The following CHD8 variants were observed in gnomAD, a reference collection of about 807,000 sequenced individuals.
CHD8 encodes the protein chromodomain helicase DNA binding protein 8, also known as ATP-dependent chromatin remodeler CHD8.
In CHD8, 31 loss-of-function variants were observed where a neutral mutation model predicts 279.2. That is an observed-to-expected ratio of 0.11 (90% CI 0.08 to 0.15). The LOEUF (loss-of-function observed/expected upper bound fraction) is 0.15. Among genes scored for constraint, CHD8 ranks in the 10% least tolerant of loss-of-function variants. The pLI is 1.00. For synonymous variants in CHD8, 1,081 were observed against 1,139.6 expected (o/e 0.95, Z 1.04); for missense variants, 2,146 against 3,230.5 (o/e 0.66, Z 8.14).
At chr14:21,442,401 G>A (rs1889999301) in intron 1 of CHD8, among the ~76,000 whole-genome samples, 1 of 151,978 alleles carries the variant, frequency 6.6e-6, no homozygotes, top group South Asian at 2.1e-4. Flanking sequence ...GGAAGTTGAG[G>A]TTGCAGTGAG....
intron 1 of CHD8, among the ~76,000 whole-genome samples, chr14:21,438,374 T>TA (rs1005290761): frequency 6.6e-6 from 1 of 151,588 alleles, no homozygotes; most frequent in Non-Finnish European, 1.5e-5. Flanking sequence ...ACACTGTTAT[T>TA]AAAAAGAGCA....
In CHD8 at chr14:21,403,816, C is replaced by T. The variant is rs189868425; in HGVS notation, c.3308-153G>A. Among the ~76,000 whole-genome samples, 29 of 152,218 alleles carry T rather than the reference C, an allele frequency of 1.9e-4. No individual in the cohort carries two copies. In the East Asian group the frequency reaches 2.9e-3, roughly 15 times the overall value. On this transcript the variant is annotated intron_variant, in intron 16 of 37. Transcript: ENST00000646647. This position sits in a 1 kb window ranked among gnomAD's most constrained non-coding sequence, Gnocchi z 4.3. ...ATTTCAGCACAAAAAAGTCTTAAAT[C>T]GGCTGGGTACGGTGGCTCATGCCTG...
chr14:21,394,927 C>T lies in CHD8; in HGVS notation c.5375G>A (p.Arg1792Gln), dbSNP rs771416978. 9.9e-6 allele frequency: 16 copies of T among 1,613,762 alleles called. No homozygotes were observed. Among genetic ancestry groups the T allele is most frequent in the Admixed American group, 5.0e-5 (3 of 59,994 alleles). Residue 1792 changes from arginine (R) to glutamine (Q), a missense_variant, in exon 30 of 38, where the codon CGG (arginine) becomes CAG (glutamine). By Grantham distance (43) the Arg-to-Gln change is conservative. Transcript: ENST00000646647. ...AAFKLKEIAR[R>Q]EKQQRWTRRE... ...TATATTTTACCGTTGTTGTTTCTCC[C>T]GCCGTGCAATTTCTTTCAGCTTGAA...
intron 1 of CHD8, among the ~76,000 whole-genome samples, chr14:21,451,338 G>A (rs933703699): frequency 1.3e-5 from 2 of 152,076 alleles, no homozygotes; most frequent in African/African-American, 4.8e-5. Context: ...GGGAGGCAGA[G>A]GCAGGAGGAT....
intron 20 of CHD8, 63 bp downstream of exon 20, chr14:21,401,894 T>A: frequency 6.9e-7 from 1 of 1,453,326 alleles, no homozygotes; most frequent in Non-Finnish European, 9.4e-7. Flanking sequence ...CATAAAAACA[T>A]AATTAAATCC....
chr14:21,428,959 C>A lies in CHD8; in HGVS notation c.1215+5G>T. 6.2e-7 allele frequency: 1 copy of A among 1,613,952 alleles called. No individual in the cohort carries two copies. On this transcript the variant is annotated splice_donor_5th_base_variant and intron_variant, in intron 3 of 37. Coordinates refer to ENST00000646647, the MANE Select transcript of CHD8 (RefSeq NM_001170629.2). ...TTTCTTTTCCTTACTATGTAAGTCT[C>A]TCACCTGTGGCTGCAGTACCACCTT...
intron 1 of CHD8, chr14:21,437,018 CG>C (rs1889811025): frequency 2.1e-6 from 2 of 937,078 alleles, no homozygotes; most frequent in African/African-American, 2.5e-5. Flanking sequence ...AAGGAGCTAG[CG>C]GGGGTGCCCT....
At chr14:21,425,295 A>G (rs1486352033) in intron 5 of CHD8, 2 of 151,344 alleles carry the variant, frequency 1.3e-5, no homozygotes, top group Non-Finnish European at 2.9e-5. Context: ...TATTTGAAAC[A>G]CTGGAATTTG....
intron 2 of CHD8, chr14:21,429,552 T>A (rs1380397002): frequency 2.9e-6 from 2 of 677,968 alleles, no homozygotes; most frequent in Non-Finnish European, 5.4e-6. Flanking sequence ...GTGCAGTGGC[T>A]ATTCACAGGC....
chr14:21,409,801 T>G, intron 11 of CHD8, 50 bp downstream of exon 11: 2 of 1,521,914 alleles, frequency 1.3e-6, no homozygotes, highest in Non-Finnish European at 1.8e-6. Context: ...GGGGAAAAAA[T>G]TTAATCATTT....
rs566806394 is a variant in CHD8, at chr14:21,402,170, C to T, written c.3883-34G>A. 17 of 1,532,768 alleles carry T rather than the reference C, an allele frequency of 1.1e-5. No homozygotes were observed. The highest frequency in any genetic ancestry group is 1.5e-5 in the Non-Finnish European group (17 of 1,129,524). The allele number at this position is 1,532,768 out of a possible 1,614,324, so 94.9% of individuals were successfully genotyped here. On this transcript the variant is annotated intron_variant, in intron 19 of 37. Coordinates refer to ENST00000646647, the MANE Select transcript of CHD8 (RefSeq NM_001170629.2). This position sits in a 1 kb window ranked among gnomAD's most constrained non-coding sequence, Gnocchi z 4.5. ...ACCAATAGAAAGATGAAAAGACTAT[C>T]AAGAGAATAATATCTAACCATGCCA...
At chr14:21,455,846 C>A (rs181477997) in intron 1 of CHD8, among the ~76,000 whole-genome samples, 186 bp downstream of exon 1, 35 of 152,246 alleles carry the variant, frequency 2.3e-4, no homozygotes, top group Admixed American at 2.2e-3. Context: ...CCCTCTCCCC[C>A]GGCCTCTCAC....
Position 21,431,350 on chromosome 14 carries a change from C to G in CHD8, c.294G>C (p.Gln98His). Reference protein sequence around the residue: ...ESITLHDYTTQPASQEQPAQP... With the variant: ...ESITLHDYTTHPASQEQPAQP... ...GGGCTGGCTGCTCCTGGCTGGCAGG[C>G]TGAGTGGTATAATCATGCAAGGTTA... Residue 98 changes from glutamine (Q) to histidine (H), a missense_variant, in exon 2 of 38, where the codon CAG becomes CAC. Physicochemically the swap from Gln to His is conservative, Grantham distance 24 (BLOSUM62 0). Around this residue, in one of 26 missense-constraint regions of CHD8, gnomAD observed 302 missense variants for 325.5 expected, o/e 0.93. Coordinates refer to ENST00000646647, the MANE Select transcript of CHD8 (RefSeq NM_001170629.2). 6.5e-7 allele frequency: 1 copy of G among 1,538,170 alleles called. No individual in the cohort carries two copies. The highest frequency in any genetic ancestry group is 8.7e-7 in the Non-Finnish European group (1 of 1,147,444).
chr14:21,411,779 G>C (rs1297744593), intron 10 of CHD8, among the ~76,000 whole-genome samples: 1 of 152,144 alleles, frequency 6.6e-6, no homozygotes, highest in East Asian at 1.9e-4. Context: ...AATGAAAAAG[G>C]TGCCAGGCGT....
chr14:21,436,245 A>G (rs1889776518), intron 1 of CHD8, among the ~76,000 whole-genome samples: 2 of 152,352 alleles, frequency 1.3e-5, no homozygotes, highest in East Asian at 1.9e-4. Context: ...TTTCAAGAAG[A>G]TCAGTTGCAG....
chr14:21,398,525 C>T (rs1215763054), intron 26 of CHD8: 1 of 152,336 alleles, frequency 6.6e-6, no homozygotes, highest in Non-Finnish European at 1.5e-5. Context: ...AGCCACCATG[C>T]CCAGCACCTG....
chr14:21,422,452 G>C (rs1889086665), intron 5 of CHD8, among the ~76,000 whole-genome samples: 1 of 152,104 alleles, frequency 6.6e-6, no homozygotes, highest in Non-Finnish European at 1.5e-5. Context: ...TAATCTCTGT[G>C]TATTTTGTAT....
At position 21,437,352 on chromosome 14, in the gene CHD8, C is replaced by T. The variant is rs1022095815; in HGVS notation, c.-215-5494G>A. 1.1e-5 allele frequency: 10 copies of T among 880,838 alleles called. No individual in the cohort carries two copies. In the Middle Eastern group the frequency reaches 1.6e-3, roughly 138 times the overall value. 54.6% of individuals were successfully genotyped at this position (880,838 alleles called of 1,614,324 possible). On this transcript the variant is annotated intron_variant, in intron 1 of 37. Coordinates refer to ENST00000646647, the MANE Select transcript of CHD8 (RefSeq NM_001170629.2). Reference sequence around the variant, plus strand: ...CCAAAGGCGAAAAGACGCAAAACAGCGCAAAGGGTGGGACTATAAGGAGCT... The same window carrying T: ...CCAAAGGCGAAAAGACGCAAAACAGTGCAAAGGGTGGGACTATAAGGAGCT...
In CHD8 at chr14:21,403,813, A is replaced by T; in HGVS notation, c.3308-150T>A. 1 of 749,808 alleles carries T rather than the reference A, an allele frequency of 1.3e-6. No homozygotes were observed. The allele number at this position is 749,808 out of a possible 1,614,324, so 46.4% of individuals were successfully genotyped here. On this transcript the variant is annotated intron_variant, in intron 16 of 37. Coordinates refer to ENST00000646647, the MANE Select transcript of CHD8 (RefSeq NM_001170629.2). The surrounding 1 kb of genome is among the most constrained non-coding windows in gnomAD (Gnocchi z 4.3). The stretch of plus-strand genomic sequence containing the variant: ...AGAATTTCAGCACAAAAAAGTCTTA[A>T]ATCGGCTGGGTACGGTGGCTCATGC...
Sources: allele counts gnomAD v4.1 joint callset (sites outside exome capture counted in the v4.1 genomes callset), GRCh38; gene constraint gnomAD v4.1.1; regional missense constraint gnomAD v4.1.1; non-coding constraint Gnocchi (gnomAD v3.1); transcripts MANE v1.5; gene names NCBI Gene and HGNC (gene_info 2026-07-23, HGNC 2026-07-21).